C8orf74: variants seen among roughly 807,000 people sequenced by gnomAD.
C8orf74 encodes uncharacterized protein C8orf74.
A neutral mutation model predicts 22.2 loss-of-function variants in C8orf74; 29 were observed. The ratio of observed to expected loss-of-function variants is 1.31; its 90% CI spans 0.97 to 1.78. The LOEUF is 1.78. Ranked by LOEUF, C8orf74 falls within the 40% of genes most tolerant of loss-of-function variation. C8orf74 has a pLI of 0.00. For missense variants in C8orf74, 515 were observed against 369.9 expected (o/e 1.39, Z -3.22); for synonymous variants, 255 against 163.1 (o/e 1.56, Z -4.30).
chr8:10,694,103 C>T (rs1436824879), intron 2 of C8orf74, among the ~76,000 whole-genome samples: 2 of 152,156 alleles, frequency 1.3e-5, no homozygotes, highest in Non-Finnish European at 2.9e-5. Flanking sequence ...TAAGAGGACC[C>T]GGTCCTGAAG....
chr8:10,677,020 G>A (rs1046735529), intron 2 of C8orf74, among the ~76,000 whole-genome samples: 1 of 152,142 alleles, frequency 6.6e-6, no homozygotes, highest in Non-Finnish European at 1.5e-5. Context: ...ACTTCTGGTT[G>A]GAGCATGCCT....
At chr8:10,680,570 T>C (rs1187115169) in intron 2 of C8orf74, among the ~76,000 whole-genome samples, 2 of 152,210 alleles carry the variant, frequency 1.3e-5, no homozygotes, top group African/African-American at 2.4e-5. Context: ...GTGCTCACTG[T>C]CTACACCCTT....
chr8:10,688,587 A>G (rs1230679442), intron 2 of C8orf74: 1 of 152,338 alleles, frequency 6.6e-6, no homozygotes, highest in African/African-American at 2.4e-5. Context: ...GTGACCGTGA[A>G]TGGTGGCTGA....
chr8:10,676,392 G>A (rs1751495431), intron 2 of C8orf74, among the ~76,000 whole-genome samples: 1 of 151,896 alleles, frequency 6.6e-6, no homozygotes, highest in Non-Finnish European at 1.5e-5. Context: ...CACCCCCAGG[G>A]CCAGCACCAT....
intron 2 of C8orf74, among the ~76,000 whole-genome samples, chr8:10,678,758 A>C (rs1799086341): frequency 6.6e-6 from 1 of 152,148 alleles, no homozygotes; most frequent in Non-Finnish European, 1.5e-5. Context: ...GAGAGTAGGC[A>C]GCGGAGTGCA....
rs1799315819 is a variant in C8orf74 at position 10,688,815 on chromosome 8, T to TC, written c.242-8783dup. 5 of 152,240 alleles carry TC rather than the reference T, an allele frequency of 3.3e-5. No homozygotes were observed. In the South Asian group the frequency reaches 1.0e-3, roughly 32 times the overall value. The allele number at this position is 152,240 out of a possible 1,614,324, so 9.4% of individuals were successfully genotyped here. A position where few individuals can be genotyped will look rare whatever the true frequency, so the allele number is the denominator to read the frequency against. On this transcript the variant is annotated intron_variant, in intron 2 of 3. Transcript: ENST00000304519. ...TTTACCAGGTGGCTTTGGAAAGGGG[T>TC]CACCCTGAAGGGACCACTTGTGCTG...
intron 2 of C8orf74, chr8:10,692,787 C>T (rs1799409822): frequency 6.6e-6 from 1 of 152,262 alleles, no homozygotes; most frequent in African/African-American, 2.4e-5. Flanking sequence ...CGCCCATTCC[C>T]TTGTGTCCAT....
intron 2 of C8orf74, chr8:10,687,090 G>C (rs1258903628): frequency 2.2e-6 from 1 of 456,184 alleles, no homozygotes; most frequent in African/African-American, 2.0e-5. Context: ...GTTCAGTCCA[G>C]GAGCCCACAC....
intron 2 of C8orf74, among the ~76,000 whole-genome samples, chr8:10,677,896 A>C (rs1253686308): frequency 1.3e-5 from 2 of 152,218 alleles, no homozygotes; most frequent in Non-Finnish European, 2.9e-5. Context: ...GCCCTTGTGC[A>C]ATGGCGATTT....
intron 2 of C8orf74, among the ~76,000 whole-genome samples, chr8:10,695,543 C>A (rs1210523747): frequency 1.3e-5 from 2 of 152,148 alleles, no homozygotes; most frequent in Admixed American, 1.3e-4. Context: ...AATATTTTCC[C>A]AAGACCATGA....
intron 2 of C8orf74, among the ~76,000 whole-genome samples, chr8:10,694,021 G>C (rs1052250665): frequency 3.9e-5 from 6 of 152,168 alleles, no homozygotes; most frequent in Non-Finnish European, 8.8e-5. Flanking sequence ...CACTCAGCTG[G>C]GCTGTGAAGT....
At chr8:10,690,131 G>T (rs368531347) in intron 2 of C8orf74, among the ~76,000 whole-genome samples, 3 of 152,178 alleles carry the variant, frequency 2.0e-5, no homozygotes, top group South Asian at 2.1e-4. Context: ...CCCCAAAGCC[G>T]CTTGGAGCTG....
At chr8:10,699,132 C>T (rs538204514) in intron 3 of C8orf74, among the ~76,000 whole-genome samples, 1 of 152,210 alleles carries the variant, frequency 6.6e-6, no homozygotes, top group Non-Finnish European at 1.5e-5. Flanking sequence ...CTCTAGCACA[C>T]GGAGCAGGGT....
intron 1 of C8orf74, 30 bp downstream of exon 1, chr8:10,672,743 C>G: frequency 1.9e-6 from 3 of 1,545,298 alleles, no homozygotes; most frequent in Non-Finnish European, 1.8e-6. Flanking sequence ...GGCTTTTAAA[C>G]AGAAACTGGC....
intron 2 of C8orf74, among the ~76,000 whole-genome samples, chr8:10,695,783 G>C (rs77234883): frequency 0.024 from 3,617 of 152,250 alleles, 99 homozygotes; most frequent in East Asian, 0.082. Context: ...CATGAAGGAA[G>C]AGAAAAGGAA....
At chr8:10,678,605 A>T (rs534694827) in intron 2 of C8orf74, among the ~76,000 whole-genome samples, 12 of 152,188 alleles carry the variant, frequency 7.9e-5, no homozygotes, top group African/African-American at 2.9e-4. Context: ...AAAAAAAAAA[A>T]AAAAAAGCAA....
intron 2 of C8orf74, among the ~76,000 whole-genome samples, chr8:10,696,436 C>CTTTTTT (rs1799501441): frequency 1.4e-4 from 18 of 130,784 alleles, no homozygotes; most frequent in African/African-American, 5.3e-4. Flanking sequence ...CTTTTCTTTT[C>CTTTTTT]TTTTCTTTTT....
intron 2 of C8orf74, chr8:10,691,615 T>C (rs7006325): frequency 0.079 from 12,058 of 152,620 alleles, 1,468 homozygotes; most frequent in African/African-American, 0.26. Flanking sequence ...AATGATGGCC[T>C]CATGCCTGCT....
At position 10,700,355 on chromosome 8, in the gene C8orf74, C is replaced by A. The variant is rs1799628933; in HGVS notation, c.769C>A (p.Leu257Met). The A allele has an allele frequency of 6.2e-7, 1 of 1,613,612 alleles. No individual in the cohort carries two copies. ...GGACCTGAAGCTTCAGAAGAAGACT[C>A]TGAACCTCAACGCCCCCACCCCTAT... ...ILDLKLQKKT[L>M]NLNAPTPIPP... The change falls in exon 4 of 4, where the codon CTG becomes ATG. Residue 257 changes from leucine to methionine, a missense_variant. By Grantham distance (15) the Leu-to-Met change is conservative (BLOSUM62 2). Transcript: ENST00000304519.
Sources: gnomAD v4.1 joint callset for allele counts (sites outside exome capture counted in the v4.1 genomes callset) on GRCh38, gnomAD v4.1.1 for gene constraint, MANE v1.5 for transcripts, NCBI Gene and HGNC (gene_info 2026-07-23, HGNC 2026-07-21) for gene names.